Variants in CSMD2 observed in about 807,000 individuals in gnomAD.
CSMD2 encodes the protein CUB and Sushi multiple domains 2, also known as CUB and sushi domain-containing protein 2.
CSMD2 carries 130 observed loss-of-function variants against 398.5 expected under a neutral mutation model. The observed-to-expected ratio is 0.33, with a 90% CI of 0.28 to 0.38. CSMD2 has a LOEUF of 0.38. Ranked by LOEUF, CSMD2 falls within the 10% of genes least tolerant of loss-of-function variation. The pLI is 1.00. For synonymous variants in CSMD2, 1,828 were observed against 1,908.5 expected (o/e 0.96, Z 1.10); for missense variants, 3,829 against 4,764.9 (o/e 0.80, Z 5.78).
intron 12 of CSMD2, among the ~76,000 whole-genome samples, chr1:33,787,868 C>CT (rs1653726325): frequency 6.6e-6 from 1 of 152,128 alleles, no homozygotes; most frequent in Admixed American, 6.5e-5. Flanking sequence ...GATGAAGACT[C>CT]TTGTCTGCAT....
intron 10 of CSMD2, among the ~76,000 whole-genome samples, chr1:33,800,612 G>C (rs1655477185): frequency 1.3e-5 from 2 of 152,194 alleles, no homozygotes; most frequent in Non-Finnish European, 2.9e-5. Context: ...AGAAGACCCT[G>C]AGTACATAGA....
chr1:33,646,892 C>T (rs1007478058), intron 28 of CSMD2, 57 bp from the exon 29 acceptor site: 35 of 1,534,652 alleles, frequency 2.3e-5, no homozygotes, highest in African/African-American at 1.9e-4. Context: ...AGGCTTTTGC[C>T]GGGGTCTTAG....
chr1:34,050,531 T>C (rs1004199919), intron 2 of CSMD2, among the ~76,000 whole-genome samples: 2 of 152,162 alleles, frequency 1.3e-5, no homozygotes, highest in Non-Finnish European at 2.9e-5. Flanking sequence ...GGTAGAACAA[T>C]GAAATGGCCT....
intron 6 of CSMD2, among the ~76,000 whole-genome samples, chr1:33,831,401 C>T (rs1047062258): frequency 1.3e-5 from 2 of 152,062 alleles, no homozygotes; most frequent in African/African-American, 4.8e-5. Context: ...ATTTCATATC[C>T]AGCCAAACTA....
At chr1:34,159,162 A>G (rs1266928867) in intron 1 of CSMD2, among the ~76,000 whole-genome samples, 1 of 152,236 alleles carries the variant, frequency 6.6e-6, no homozygotes, top group East Asian at 1.9e-4. Context: ...CTCAGTTCAC[A>G]GTCCTTTAGG....
chr1:33,572,400 T>C (rs1659674460), intron 50 of CSMD2, 106 bp downstream of exon 50: 2 of 1,034,736 alleles, frequency 1.9e-6, no homozygotes, highest in South Asian at 2.2e-5. Flanking sequence ...TGTTTTTTTT[T>C]TTTTTTCCCC....
intron 24 of CSMD2, 85 bp from the exon 25 acceptor site, chr1:33,693,141 CTT>C (rs1645299499): frequency 2.1e-6 from 3 of 1,438,168 alleles, no homozygotes; most frequent in South Asian, 2.9e-5. Context: ...CCTGTTTGCT[CTT>C]GAGTCCCTTC....
At chr1:33,617,323 G>A (rs1641458961) in intron 38 of CSMD2, among the ~76,000 whole-genome samples, 176 bp downstream of exon 38, 1 of 152,222 alleles carries the variant, frequency 6.6e-6, no homozygotes, top group African/African-American at 2.4e-5. Context: ...GTGCCAAATT[G>A]TTAAAGTCAG....
At chr1:34,084,431 G>A (rs1657620927) in intron 2 of CSMD2, among the ~76,000 whole-genome samples, 1 of 152,186 alleles carries the variant, frequency 6.6e-6, no homozygotes, top group Admixed American at 6.5e-5. Flanking sequence ...ACCACCATCA[G>A]AGTGAACAGC....
Position 33,572,395 on chromosome 1 carries a change from T to G in CSMD2, c.7762+111A>C, listed in dbSNP as rs1215946568. ...TCCTCCAACCTCCATGTCCATGTTT[T>G]TTTTTTTTTTTCCCCCTCATTACTT... is the stretch of plus-strand genomic sequence containing the variant. On this transcript the variant is annotated intron_variant, in intron 50 of 70. Coordinates refer to ENST00000373381, the MANE Select transcript of CSMD2 (RefSeq NM_001281956.2). The G allele has an allele frequency of 7.7e-6, 5 of 646,336 alleles. No individual in the cohort carries two copies. The South Asian group carries it at 1.3e-4, about 17-fold the overall frequency. 40.0% of individuals were successfully genotyped at this position (646,336 alleles called of 1,614,324 possible).
chr1:33,746,085 C>T (rs1486351953), intron 13 of CSMD2, among the ~76,000 whole-genome samples: 2 of 152,082 alleles, frequency 1.3e-5, no homozygotes, highest in South Asian at 2.1e-4. Context: ...TAACACTTCC[C>T]CCTGGGCCTA....
intron 37 of CSMD2, among the ~76,000 whole-genome samples, chr1:33,618,104 A>C (rs1409117578): frequency 6.6e-6 from 1 of 152,222 alleles, no homozygotes; most frequent in African/African-American, 2.4e-5. Context: ...TCAGGGGCTC[A>C]GTTAGAGTCC....
intron 13 of CSMD2, among the ~76,000 whole-genome samples, chr1:33,754,675 C>T (rs1219289159): frequency 6.6e-6 from 1 of 152,102 alleles, no homozygotes; most frequent in African/African-American, 2.4e-5. Flanking sequence ...GGTAAAAATA[C>T]ATTTCTCACT....
intron 51 of CSMD2, 37 bp downstream of exon 51, chr1:33,571,495 C>T (rs749429701): frequency 3.3e-5 from 45 of 1,375,162 alleles, no homozygotes; most frequent in Admixed American, 2.1e-4. Flanking sequence ...TAGGAGGGAC[C>T]CTGCTAAACT....
At position 33,542,839 on chromosome 1, in the gene CSMD2, C is replaced by T. The variant is rs1313625365; in HGVS notation, c.9158G>A (p.Gly3053Asp). 1 of 1,614,172 alleles carries T rather than the reference C, an allele frequency of 6.2e-7. No homozygotes were observed. The highest frequency in any genetic ancestry group is 8.5e-7 in the Non-Finnish European group (1 of 1,180,012). ...PSNARVVFSD[G>D]LVFSSSIVYE... Reference sequence around the variant, plus strand: ...GACGATAGAGCTGGAGAAAACCAGGCCATCACTGAACACAACTCGGGCATT... The same window carrying T: ...GACGATAGAGCTGGAGAAAACCAGGTCATCACTGAACACAACTCGGGCATT... Residue 3053 changes from glycine to aspartate, a missense_variant, in exon 58 of 71, where the codon GGC becomes GAC. Gly to Asp is a moderately conservative substitution (Grantham distance 94). Transcript: ENST00000373381.
chr1:34,118,369 G>T (rs1332790319), intron 1 of CSMD2, among the ~76,000 whole-genome samples: 4 of 152,174 alleles, frequency 2.6e-5, no homozygotes, highest in Non-Finnish European at 5.9e-5. Flanking sequence ...AGGTATGCAT[G>T]CTCTCTCTCA....
In CSMD2 at chr1:33,732,808, G is replaced by A. The variant is rs141708610; in HGVS notation, c.2369-6123C>T. On this transcript the variant is annotated intron_variant, in intron 15 of 70. Transcript: ENST00000373381. Reference sequence around the variant, plus strand: ...GGGAATGGTGACAGAATAGAATACAGAGAACAAATACTCATTGAGCACTGA... The same window carrying A: ...GGGAATGGTGACAGAATAGAATACAAAGAACAAATACTCATTGAGCACTGA... Among the ~76,000 whole-genome samples, 18 of 152,328 alleles carry A rather than the reference G, an allele frequency of 1.2e-4. No homozygotes were observed. The East Asian group carries it at 3.1e-3, about 26-fold the overall frequency.
chr1:33,984,193 T>G (rs1286115523), intron 3 of CSMD2, among the ~76,000 whole-genome samples: 2 of 151,184 alleles, frequency 1.3e-5, no homozygotes, highest in East Asian at 3.9e-4. Flanking sequence ...GGACATAGCT[T>G]GGGCCTTCCC....
At chr1:33,725,598 A>T in intron 16 of CSMD2, 62 bp from the exon 17 acceptor site, 1 of 1,526,622 alleles carries the variant, frequency 6.6e-7, no homozygotes, top group Non-Finnish European at 9.1e-7. Flanking sequence ...TGCAAATGAC[A>T]TAAAGCCCTG....
Sources: gnomAD v4.1 joint callset for allele counts (sites outside exome capture counted in the v4.1 genomes callset) on GRCh38, gnomAD v4.1.1 for gene constraint, MANE v1.5 for transcripts, NCBI Gene and HGNC (gene_info 2026-07-23, HGNC 2026-07-21) for gene names.